KDR: variants seen among roughly 807,000 people sequenced by gnomAD.
KDR encodes the protein kinase insert domain receptor.
KDR carries 43 observed loss-of-function variants against 160.9 expected under a neutral mutation model. The observed-to-expected ratio is 0.27, with a 90% CI of 0.21 to 0.34. The LOEUF (loss-of-function observed/expected upper bound fraction) is 0.34, where lower values mean the gene tolerates loss of function less well. KDR is among the 10% of genes least tolerant of loss of function. The pLI, the probability that KDR is intolerant of heterozygous loss-of-function variation, is 1.00. For synonymous variants in KDR, 617 were observed against 600.1 expected (o/e 1.03, Z -0.41); for missense variants, 1,469 against 1,666.4 (o/e 0.88, Z 2.06).
intron 12 of KDR, 55 bp downstream of exon 12, chr4:55,105,777 C>A: frequency 2.9e-6 from 3 of 1,047,532 alleles, no homozygotes; most frequent in South Asian, 2.5e-5. Flanking sequence ...AATTACATAG[C>A]TTAGTACCCA....
chr4:55,099,442 T>C (rs1720255109), intron 15 of KDR, among the ~76,000 whole-genome samples: 1 of 152,122 alleles, frequency 6.6e-6, no homozygotes, highest in Non-Finnish European at 1.5e-5. Context: ...ACATAGAAAG[T>C]GTTTAGAGGA....
At chr4:55,092,543 T>C (rs2110013434) in intron 22 of KDR, 74 bp downstream of exon 22, 2 of 1,036,474 alleles carry the variant, frequency 1.9e-6, no homozygotes, top group South Asian at 1.3e-5. Flanking sequence ...CAAGCACCAA[T>C]GGCTGACACT....
intron 29 of KDR, 116 bp from the exon 30 acceptor site, chr4:55,080,279 CG>C: frequency 2.4e-6 from 2 of 834,628 alleles, no homozygotes; most frequent in Non-Finnish European, 4.0e-6. Flanking sequence ...ACCGCAGCCC[CG>C]TATCTCTCCC....
chr4:55,084,624 G>A (rs965826151), intron 27 of KDR, among the ~76,000 whole-genome samples: 8 of 152,136 alleles, frequency 5.3e-5, no homozygotes, highest in Admixed American at 2.0e-4. Context: ...GGATTAGGGA[G>A]AAAATGGCTA....
rs753996341 is a variant in KDR, at chr4:55,107,833, G to A, written c.1316C>T (p.Thr439Ile). Residue 439 changes from threonine to isoleucine, a missense_variant, in exon 10 of 30, where the codon ACC (threonine) becomes ATC (isoleucine). Around this residue, in one of 7 missense-constraint regions of KDR, gnomAD observed 792 missense variants for 840.9 expected, o/e 0.94. Transcript: ENST00000263923. ...ISPVDSYQYG[T>I]TQTLTCTVYA... ...GACCGTACATGTCAGCGTTTGAGTGGTGCCGTACTGGTAGGAATCCACAGG... is the reference window on the plus strand; with the variant it reads ...GACCGTACATGTCAGCGTTTGAGTGATGCCGTACTGGTAGGAATCCACAGG... 6.8e-6 allele frequency: 11 copies of A among 1,613,946 alleles called. No individual in the cohort carries two copies. The Admixed American group carries it at 1.7e-4, about 24-fold the overall frequency.
chr4:55,078,782 G>A lies in KDR; in HGVS notation c.*1159C>T. 4.3e-6 allele frequency: 1 copy of A among 232,806 alleles called. No individual in the cohort carries two copies. The highest frequency in any genetic ancestry group is 8.5e-6 in the Non-Finnish European group (1 of 117,796). The allele number at this position is 232,806 out of a possible 1,614,324, so 14.4% of individuals were successfully genotyped here. ...GTAGAAATAGCTCTATATGTTAAAA[G>A]TCTAAATAATACAATAGATGTTATA... On this transcript the variant is annotated 3_prime_UTR_variant, in exon 30 of 30. Transcript: ENST00000263923.
At chr4:55,102,581 T>C in intron 13 of KDR, 73 bp from the exon 14 acceptor site, 1 of 1,516,530 alleles carries the variant, frequency 6.6e-7, no homozygotes. Flanking sequence ...CAGCAAACTT[T>C]TAAACAGTTT....
At chr4:55,122,709 T>C (rs1459037782) in intron 1 of KDR, 2 of 152,224 alleles carry the variant, frequency 1.3e-5, no homozygotes, top group African/African-American at 4.8e-5. Context: ...GTTATATCAA[T>C]ATATCTCAGA....
intron 22 of KDR, among the ~76,000 whole-genome samples, chr4:55,090,711 T>G (rs890662070): frequency 1.3e-5 from 2 of 152,200 alleles, no homozygotes; most frequent in African/African-American, 4.8e-5. Flanking sequence ...TCCTTTTAGC[T>G]TCTCAGTTTC....
chr4:55,122,885 G>A (rs1294895629), intron 1 of KDR: 2 of 152,048 alleles, frequency 1.3e-5, no homozygotes, highest in Non-Finnish European at 2.9e-5. Flanking sequence ...GCTGGTCTGG[G>A]TGGTCATGTT....
At chr4:55,102,118 T>C in intron 14 of KDR, 90 bp from the exon 15 acceptor site, 1 of 1,542,350 alleles carries the variant, frequency 6.5e-7, no homozygotes, top group Non-Finnish European at 8.9e-7. Flanking sequence ...AATGCTGCCC[T>C]TCATCTTGTT....
At chr4:55,100,759 G>C (rs1204944559) in intron 15 of KDR, among the ~76,000 whole-genome samples, 1 of 151,916 alleles carries the variant, frequency 6.6e-6, no homozygotes, top group African/African-American at 2.4e-5. Context: ...CAGAGTAAAG[G>C]GACCAAAATC....
intron 26 of KDR, among the ~76,000 whole-genome samples, chr4:55,088,232 A>C (rs191193160): frequency 6.6e-6 from 1 of 152,370 alleles, no homozygotes; most frequent in East Asian, 1.9e-4. Context: ...AAGGTTGCAC[A>C]ACTTAATATT....
chr4:55,083,707 A>G (rs1392408693), intron 27 of KDR, among the ~76,000 whole-genome samples: 1 of 151,846 alleles, frequency 6.6e-6, no homozygotes, highest in Non-Finnish European at 1.5e-5. Context: ...ACTTCCCACT[A>G]CAAGCAGACT....
intron 27 of KDR, among the ~76,000 whole-genome samples, chr4:55,083,807 T>C (rs1011154959): frequency 1.3e-5 from 2 of 152,128 alleles, no homozygotes; most frequent in Non-Finnish European, 2.9e-5. Context: ...TTCCTCCCTA[T>C]AGAGAGAGGA....
rs182512832 is a variant in KDR, at chr4:55,079,236, C to T, written c.*705G>A. 1 of 233,708 alleles carries T rather than the reference C, an allele frequency of 4.3e-6. No homozygotes were observed. Among genetic ancestry groups the T allele is most frequent in the East Asian group, 6.0e-5 (1 of 16,586 alleles). 14.5% of individuals were successfully genotyped at this position (233,708 alleles called of 1,614,324 possible). Reference sequence around the variant, plus strand: ...GCTTGGCCAGGAGACACGTAACGGTCTGGAAGGAACTCTCATTAGGAGTCA... The same window carrying T: ...GCTTGGCCAGGAGACACGTAACGGTTTGGAAGGAACTCTCATTAGGAGTCA... On this transcript the variant is annotated 3_prime_UTR_variant, in exon 30 of 30. Transcript: ENST00000263923.
At chr4:55,119,087 T>C (rs1396477365) in intron 2 of KDR, among the ~76,000 whole-genome samples, 1 of 151,954 alleles carries the variant, frequency 6.6e-6, no homozygotes, top group Non-Finnish European at 1.5e-5. Context: ...CGCATGCCTG[T>C]AATCCCAGCT....
intron 15 of KDR, among the ~76,000 whole-genome samples, chr4:55,101,156 T>A (rs1487763212): frequency 6.6e-6 from 1 of 152,160 alleles, no homozygotes; most frequent in East Asian, 1.9e-4. Context: ...TAGGCAGCAA[T>A]TCTAATGTTT....
chr4:55,102,150 T>TCA (rs1225297704), intron 14 of KDR, 122 bp from the exon 15 acceptor site: 1 of 1,401,404 alleles, frequency 7.1e-7, no homozygotes, highest in Admixed American at 1.7e-5. Flanking sequence ...CTCTGTAGAG[T>TCA]CACATGGGAT....
Sources: allele counts gnomAD v4.1 joint callset (sites outside exome capture counted in the v4.1 genomes callset), GRCh38; gene constraint gnomAD v4.1.1; regional missense constraint gnomAD v4.1.1; transcripts MANE v1.5; gene names NCBI Gene and HGNC (gene_info 2026-07-23, HGNC 2026-07-21).